SNX1: variants seen among roughly 807,000 people sequenced by gnomAD.
SNX1 encodes the protein sorting nexin 1, also known as sorting nexin-1.
SNX1 carries 36 observed loss-of-function variants against 71.8 expected under a neutral mutation model. That is an observed-to-expected ratio of 0.50 (90% CI 0.38 to 0.66). The LOEUF is 0.66. SNX1 is among the 30% of genes least tolerant of loss of function. The pLI, the probability that SNX1 is intolerant of heterozygous loss-of-function variation, is 0.00. For missense variants in SNX1, 612 were observed against 646.7 expected (o/e 0.95, Z 0.58); for synonymous variants, 254 against 240.7 (o/e 1.06, Z -0.51).
In SNX1 at chr15:64,128,728, T is replaced by C. The variant is rs566394880; in HGVS notation, c.807+922T>C. Among the ~76,000 whole-genome samples, 29 of 152,330 alleles carry C rather than the reference T, an allele frequency of 1.9e-4. 1 individual carries two copies. In the South Asian group the frequency reaches 5.2e-3, roughly 27 times the overall value. ...TTCTGCCTTTTCACCCTCTCGTCTT[T>C]ACTCCATACCCCTAAGCAGGGTATG... On this transcript the variant is annotated intron_variant, in intron 8 of 14. Coordinates refer to ENST00000559844, the MANE Select transcript of SNX1 (RefSeq NM_003099.5).
In SNX1 at chr15:64,112,600, A is replaced by G. The variant is rs374702600; in HGVS notation, c.187A>G (p.Thr63Ala). The G allele has an allele frequency of 1.2e-6, 2 of 1,612,012 alleles. No homozygotes were observed. The change falls in exon 2 of 15, where the codon ACA (threonine) becomes GCA (alanine). Residue 63 changes from threonine (T) to alanine (A), a missense_variant. By Grantham distance (58) the Thr-to-Ala change is moderately conservative. Transcript: ENST00000559844. Reference protein sequence around the residue: ...VSKHQSPKITTSLLPINNGSK... With the variant: ...VSKHQSPKITASLLPINNGSK... ...TAAACATCAGTCTCCAAAGATAACT[A>G]CATCCCTTCTTCCCATCAACAATGG...
rs1271952986 is a variant in SNX1, at chr15:64,142,793, A to T, written c.*5175A>T. 1 of 391,362 alleles carries T rather than the reference A, an allele frequency of 2.6e-6. No individual in the cohort carries two copies. The highest frequency in any genetic ancestry group is 5.2e-6 in the Non-Finnish European group (1 of 194,102). 24.2% of individuals were successfully genotyped at this position (391,362 alleles called of 1,614,324 possible). A position where few individuals can be genotyped will look rare whatever the true frequency, so the allele number is the denominator to read the frequency against. On this transcript the variant is annotated 3_prime_UTR_variant, in exon 15 of 15. Transcript: ENST00000559844. Reference sequence around the variant, plus strand: ...TTCAGTGTCAGTACTCAGTGACAAAATAAATGAGAGAAACGGGAATAAGAA... The same window carrying T: ...TTCAGTGTCAGTACTCAGTGACAAATTAAATGAGAGAAACGGGAATAAGAA...
intron 1 of SNX1, among the ~76,000 whole-genome samples, chr15:64,106,713 G>C (rs780478055): frequency 1.4e-3 from 209 of 152,310 alleles, no homozygotes; most frequent in Non-Finnish European, 2.5e-3. Flanking sequence ...TGGAAGAGAC[G>C]CAAAGAGATG....
chr15:64,098,994 C>T (rs1437826107), intron 1 of SNX1, among the ~76,000 whole-genome samples: 1 of 152,104 alleles, frequency 6.6e-6, no homozygotes, highest in East Asian at 1.9e-4. Flanking sequence ...GATGCCAAGA[C>T]CCCAAGAGAG....
At chr15:64,106,760 G>A (rs577588882) in intron 1 of SNX1, among the ~76,000 whole-genome samples, 12 of 152,302 alleles carry the variant, frequency 7.9e-5, no homozygotes, top group African/African-American at 2.4e-4. Flanking sequence ...GAAGTGGGCC[G>A]TGAGGCAAAG....
chr15:64,141,642 A>T lies in SNX1; in HGVS notation c.*4024A>T, dbSNP rs1413523976. Reference sequence around the variant, plus strand: ...AAGTGGCTTGGTGTAGGGTAAAGTCAGTGAGGCCCATGGAGAAAAACGAGC... The same window carrying T: ...AAGTGGCTTGGTGTAGGGTAAAGTCTGTGAGGCCCATGGAGAAAAACGAGC... On this transcript the variant is annotated 3_prime_UTR_variant, in exon 15 of 15. Transcript: ENST00000559844. This position sits in a 1 kb window ranked among gnomAD's most constrained non-coding sequence, Gnocchi z 5.1. 6.6e-6 allele frequency: 1 copy of T among 152,304 alleles called. No homozygotes were observed. Among genetic ancestry groups the T allele is most frequent in the Admixed American group, 6.5e-5 (1 of 15,282 alleles). The allele number at this position is 152,304 out of a possible 1,614,324, so 9.4% of individuals were successfully genotyped here.
At chr15:64,128,845 G>T (rs1005095759) in intron 8 of SNX1, among the ~76,000 whole-genome samples, 10 of 152,000 alleles carry the variant, frequency 6.6e-5, no homozygotes, top group African/African-American at 2.4e-4. Flanking sequence ...AGCATTCCTG[G>T]TACCTACCCA....
At chr15:64,126,541 C>T (rs1595998173) in intron 6 of SNX1, among the ~76,000 whole-genome samples, 2 of 151,936 alleles carry the variant, frequency 1.3e-5, no homozygotes, top group East Asian at 3.9e-4. Flanking sequence ...GAAGAAACCT[C>T]TTCATTTTGT....
At position 64,134,530 on chromosome 15, in the gene SNX1, A is replaced by C; in HGVS notation, c.1222-134A>C. 1 of 1,016,600 alleles carries C rather than the reference A, an allele frequency of 9.8e-7. No individual in the cohort carries two copies. The highest frequency in any genetic ancestry group is 1.4e-6 in the Non-Finnish European group (1 of 708,472). The allele number at this position is 1,016,600 out of a possible 1,614,324, so 63.0% of individuals were successfully genotyped here. On this transcript the variant is annotated intron_variant, in intron 11 of 14. Transcript: ENST00000559844. This position sits in a 1 kb window ranked among gnomAD's most constrained non-coding sequence, Gnocchi z 4.1. ...TAGACATTAAACTTCCCAGCTGGGC[A>C]CTAACATGTGGCTGCAGAACCTGCC...
intron 2 of SNX1, among the ~76,000 whole-genome samples, chr15:64,117,392 T>C (rs897822033): frequency 1.3e-5 from 2 of 152,064 alleles, no homozygotes; most frequent in African/African-American, 4.8e-5. Context: ...TAGCTAGGAC[T>C]ACAGGCTCAG....
Position 64,134,728 on chromosome 15 carries a change from A to G in SNX1, c.1286A>G (p.Lys429Arg), listed in dbSNP as rs1271147187. 3.1e-6 allele frequency: 5 copies of G among 1,613,992 alleles called. No homozygotes were observed. Among genetic ancestry groups the G allele is most frequent in the Non-Finnish European group, 4.2e-6 (5 of 1,180,050 alleles). ...RWQDAQATLQ[K>R]KREAEARLLW... ...CAGGATGCCCAAGCCACACTGCAGA[A>G]GAAGCGGGAGGCCGAGGCTCGGCTG... The change falls in exon 12 of 15, where the codon AAG becomes AGG. Residue 429 changes from lysine (K) to arginine (R), a missense_variant. Around this residue, in one of 2 missense-constraint regions of SNX1, gnomAD observed 296 missense variants for 361.9 expected, o/e 0.82. Transcript: ENST00000559844. This position sits in a 1 kb window ranked among gnomAD's most constrained non-coding sequence, Gnocchi z 4.1.
intron 1 of SNX1, among the ~76,000 whole-genome samples, chr15:64,097,436 C>G (rs910766257): frequency 2.0e-5 from 3 of 152,070 alleles, no homozygotes; most frequent in Non-Finnish European, 4.4e-5. Context: ...TCCTTGCCCC[C>G]AGACCTTGGT....
chr15:64,118,950 C>A, intron 4 of SNX1, 96 bp downstream of exon 4: 2 of 860,724 alleles, frequency 2.3e-6, no homozygotes, highest in Non-Finnish European at 3.9e-6. Context: ...GTTGAACTAG[C>A]CAATGTGAAG....
At chr15:64,104,883 T>C (rs868528574) in intron 1 of SNX1, among the ~76,000 whole-genome samples, 29 of 62,432 alleles carry the variant, frequency 4.6e-4, no homozygotes, top group African/African-American at 1.4e-3. Flanking sequence ...AGACTTGATC[T>C]TAAAAAAAAA....
At chr15:64,133,672 G>C (rs1206004394) in intron 11 of SNX1, among the ~76,000 whole-genome samples, 1 of 152,232 alleles carries the variant, frequency 6.6e-6, no homozygotes, top group African/African-American at 2.4e-5. Context: ...GGAGGTTGCA[G>C]TGCAGTGAGC....
At chr15:64,112,712 G>A (rs760350718) in intron 2 of SNX1, 28 bp downstream of exon 2, 6 of 1,447,932 alleles carry the variant, frequency 4.1e-6, no homozygotes, top group Middle Eastern at 1.7e-4. Context: ...AGTTACTCTA[G>A]GAACCTCCTA....
At chr15:64,117,457 C>T (rs2081141915) in intron 2 of SNX1, among the ~76,000 whole-genome samples, 2 of 152,092 alleles carry the variant, frequency 1.3e-5, no homozygotes, top group South Asian at 2.1e-4. Flanking sequence ...GGGGTTTCAC[C>T]ATGTTGCCCA....
chr15:64,120,430 G>A (rs2081185492), intron 4 of SNX1, among the ~76,000 whole-genome samples: 2 of 152,006 alleles, frequency 1.3e-5, no homozygotes, highest in South Asian at 4.2e-4. Context: ...GCATCACCAT[G>A]CCTGGCTAAT....
Position 64,136,358 on chromosome 15 carries a change from G to C in SNX1, c.1394G>C (p.Arg465Thr). ...GAGTCTCGGGTGACTCAATATGAAA[G>C]GGACTTCGAGAGGATTTCAACAGTG... ...EWESRVTQYE[R>T]DFERISTVVR... The change falls in exon 13 of 15, where the codon AGG becomes ACG. Residue 465 changes from arginine to threonine, a missense_variant. Physicochemically the swap from Arg to Thr is moderately conservative, Grantham distance 71. Transcript: ENST00000559844. The C allele has an allele frequency of 6.2e-7, 1 of 1,614,102 alleles. No individual in the cohort carries two copies. The highest frequency in any genetic ancestry group is 8.5e-7 in the Non-Finnish European group (1 of 1,179,950).
Sources: allele counts gnomAD v4.1 joint callset (sites outside exome capture counted in the v4.1 genomes callset), GRCh38; gene constraint gnomAD v4.1.1; regional missense constraint gnomAD v4.1.1; non-coding constraint Gnocchi (gnomAD v3.1); transcripts MANE v1.5; gene names NCBI Gene and HGNC (gene_info 2026-07-23, HGNC 2026-07-21).